ADAMTSL1: variants seen among roughly 807,000 people sequenced by gnomAD.
The protein encoded by ADAMTSL1 is ADAMTS like 1.
Under a neutral mutation model 201.8 loss-of-function variants are expected in ADAMTSL1, and 126 were observed. That is an observed-to-expected ratio of 0.62 (90% CI 0.54 to 0.72). The LOEUF (loss-of-function observed/expected upper bound fraction) is 0.72, where lower values mean the gene tolerates loss of function less well. ADAMTSL1 is among the 30% of genes least tolerant of loss of function. The probability of loss-of-function intolerance (pLI) is 0.00; values close to 1 mark genes in which losing one functional copy is unlikely to be tolerated. For synonymous variants in ADAMTSL1, 1,121 were observed against 903.4 expected (o/e 1.24, Z -4.32); for missense variants, 2,679 against 2,277.8 (o/e 1.18, Z -3.59).
intron 1 of ADAMTSL1, among the ~76,000 whole-genome samples, chr9:18,016,595 A>C (rs554670344): frequency 1.3e-5 from 2 of 152,030 alleles, no homozygotes; most frequent in Non-Finnish European, 2.9e-5. Context: ...AACTCTGTGC[A>C]CATAGTGAAT....
intron 7 of ADAMTSL1, among the ~76,000 whole-genome samples, chr9:18,645,528 C>T (rs75915228): frequency 0.092 from 13,379 of 145,594 alleles, 903 homozygotes; most frequent in Non-Finnish European, 0.14. Flanking sequence ...TTAGGTCTAA[C>T]GTTTAAGTCT....
Position 18,380,610 on chromosome 9 carries a change from C to G in ADAMTSL1, c.208-124219C>G, listed in dbSNP as rs191741683. On this transcript the variant is annotated intron_variant, in intron 2 of 29. Transcript: ENST00000680146. The stretch of plus-strand genomic sequence containing the variant: ...AGAACATAAAAAGTTGCCATTTACA[C>G]ATGAGGCAAAGAGCAGTTTAATGAA... Among the ~76,000 whole-genome samples, 29 of 152,302 alleles carry G rather than the reference C, an allele frequency of 1.9e-4. 1 individual carries two copies. Among genetic ancestry groups the G allele is most frequent in the Admixed American group, 8.5e-4 (13 of 15,296 alleles).
At chr9:18,556,236 A>G (rs1362163824) in intron 3 of ADAMTSL1, among the ~76,000 whole-genome samples, 1 of 151,978 alleles carries the variant, frequency 6.6e-6, no homozygotes, top group Non-Finnish European at 1.5e-5. Flanking sequence ...CATTATAATA[A>G]AAGCTTGACT....
chr9:18,148,051 A>T (rs900018287), intron 1 of ADAMTSL1, among the ~76,000 whole-genome samples: 1 of 152,110 alleles, frequency 6.6e-6, no homozygotes, highest in African/African-American at 2.4e-5. Context: ...ATGTAGTAGA[A>T]GCTACATAAA....
chr9:18,883,801 T>C (rs78564674), intron 23 of ADAMTSL1, among the ~76,000 whole-genome samples: 3,935 of 152,344 alleles, frequency 0.026, 120 homozygotes, highest in South Asian at 0.13. Flanking sequence ...CCACATTTTG[T>C]TTATCTACCC....
intron 2 of ADAMTSL1, among the ~76,000 whole-genome samples, chr9:18,169,744 T>C (rs2132119047): frequency 6.6e-6 from 1 of 152,310 alleles, no homozygotes; most frequent in South Asian, 2.1e-4. Context: ...ATATTGATTC[T>C]TCCTACCCAT....
intron 2 of ADAMTSL1, among the ~76,000 whole-genome samples, chr9:18,201,432 T>C (rs1829440335): frequency 6.6e-6 from 1 of 152,156 alleles, no homozygotes; most frequent in Admixed American, 6.6e-5. Context: ...ATAGTTTTTC[T>C]GATATTTTCT....
chr9:18,734,084 G>A (rs1430668643), intron 15 of ADAMTSL1, among the ~76,000 whole-genome samples: 1 of 152,138 alleles, frequency 6.6e-6, no homozygotes, highest in Non-Finnish European at 1.5e-5. Context: ...TGCCTCTTTG[G>A]CCTTGGGCAG....
intron 1 of ADAMTSL1, among the ~76,000 whole-genome samples, chr9:18,010,618 A>G (rs894796175): frequency 1.3e-5 from 2 of 152,008 alleles, no homozygotes; most frequent in African/African-American, 4.8e-5. Context: ...ACCCCTAAGT[A>G]TCGTCAGTGC....
intron 2 of ADAMTSL1, among the ~76,000 whole-genome samples, chr9:18,168,162 G>A (rs553282845): frequency 6.6e-6 from 1 of 151,588 alleles, no homozygotes; most frequent in Admixed American, 6.6e-5. Flanking sequence ...TGTGCACAAC[G>A]TGCAGGTTTG....
chr9:17,985,378 G>A, intron 1 of ADAMTSL1, among the ~76,000 whole-genome samples: 1 of 151,858 alleles, frequency 6.6e-6, no homozygotes, highest in East Asian at 1.9e-4. Flanking sequence ...AGATATCTAG[G>A]AAGACCATTT....
intron 2 of ADAMTSL1, among the ~76,000 whole-genome samples, chr9:18,220,849 A>T (rs996179234): frequency 6.6e-6 from 1 of 151,654 alleles, no homozygotes; most frequent in Non-Finnish European, 1.5e-5. Context: ...ATCTAGGCTC[A>T]CTGCAACCTC....
intron 2 of ADAMTSL1, among the ~76,000 whole-genome samples, chr9:18,271,728 C>A (rs1403148118): frequency 1.3e-5 from 2 of 152,110 alleles, no homozygotes; most frequent in East Asian, 3.9e-4. Flanking sequence ...ATTTCTAGTT[C>A]CAGTTCCCTG....
At chr9:18,612,975 G>A (rs987547581) in intron 4 of ADAMTSL1, among the ~76,000 whole-genome samples, 4 of 151,962 alleles carry the variant, frequency 2.6e-5, no homozygotes, top group Admixed American at 2.0e-4. Flanking sequence ...ATCTGACAAA[G>A]GTCTAACATC....
intron 2 of ADAMTSL1, among the ~76,000 whole-genome samples, chr9:18,377,930 A>T (rs962859824): frequency 1.3e-5 from 2 of 151,906 alleles, no homozygotes; most frequent in Non-Finnish European, 1.5e-5. Context: ...CCTCCCCCTC[A>T]ATTCTGTCTC....
chr9:18,190,154 G>A (rs1828912275), intron 2 of ADAMTSL1, among the ~76,000 whole-genome samples: 1 of 152,176 alleles, frequency 6.6e-6, no homozygotes, highest in African/African-American at 2.4e-5. Flanking sequence ...ATGAAGTGTA[G>A]CATAGTCCTC....
In ADAMTSL1 at chr9:18,680,204, T is replaced by C. The variant is rs1424005525; in HGVS notation, c.1137-108T>C. 7 of 1,185,468 alleles carry C rather than the reference T, an allele frequency of 5.9e-6. No individual in the cohort carries two copies. The African/African-American group carries it at 1.1e-4, about 18-fold the overall frequency. The allele number at this position is 1,185,468 out of a possible 1,614,324, so 73.4% of individuals were successfully genotyped here. ...TTTTGGTTTTCTGGACCTTAGCCTC[T>C]CAGAACCTGATTATACCAATAGACA... On this transcript the variant is annotated intron_variant, in intron 10 of 28. Coordinates refer to ENST00000380548, the MANE Select transcript of ADAMTSL1 (RefSeq NM_001040272.6).
rs1276454686 is a variant in ADAMTSL1 at position 18,261,670 on chromosome 9, C to T, written c.207+97689C>T. 3.9e-5 allele frequency among the ~76,000 whole-genome samples: 6 copies of T among 152,296 alleles called. No individual in the cohort carries two copies. In the South Asian group the frequency reaches 6.2e-4, roughly 16 times the overall value. Reference sequence around the variant, plus strand: ...GACCAAAGTCTGTCATTTATCAATACGTAGCCATTCCTTGAATAGCTGTTG... The same window carrying T: ...GACCAAAGTCTGTCATTTATCAATATGTAGCCATTCCTTGAATAGCTGTTG... On this transcript the variant is annotated intron_variant, in intron 2 of 29. Coordinates refer to the ADAMTSL1 transcript ENST00000680146.
intron 1 of ADAMTSL1, among the ~76,000 whole-genome samples, chr9:18,073,653 A>T (rs1365733969): frequency 1.3e-5 from 2 of 152,222 alleles, no homozygotes; most frequent in Non-Finnish European, 2.9e-5. Flanking sequence ...CATGTTATTG[A>T]CATTTAAAAG....
Sources: allele counts gnomAD v4.1 joint callset (sites outside exome capture counted in the v4.1 genomes callset), GRCh38; gene constraint gnomAD v4.1.1; transcripts MANE v1.5; gene names NCBI Gene and HGNC (gene_info 2026-07-23, HGNC 2026-07-21).